Variants in RBFOX1 observed in about 807,000 individuals in gnomAD.
RBFOX1 encodes RNA binding fox-1 homolog 1.
RBFOX1 carries 8 observed loss-of-function variants against 57.7 expected under a neutral mutation model. That is an observed-to-expected ratio of 0.14 (90% CI 0.08 to 0.25). The LOEUF (loss-of-function observed/expected upper bound fraction) is 0.25. RBFOX1 is among the 10% of genes least tolerant of loss of function. RBFOX1 has a pLI of 1.00. For missense variants in RBFOX1, 611 were observed against 548.5 expected, an observed-to-expected ratio of 1.11 and a Z score of -1.14; for synonymous variants, 326 against 222.4, an observed-to-expected ratio of 1.47 and a Z score of -4.15.
intron 4 of RBFOX1, among the ~76,000 whole-genome samples, chr16:7,228,903 G>C (rs531910075): frequency 6.6e-6 from 1 of 152,296 alleles, no homozygotes; most frequent in Admixed American, 6.5e-5. Context: ...TGCATTTTGA[G>C]AGAGAAGAAG....
At chr16:7,224,629 C>G (rs950682791) in intron 4 of RBFOX1, among the ~76,000 whole-genome samples, 2 of 152,126 alleles carry the variant, frequency 1.3e-5, no homozygotes, top group Non-Finnish European at 2.9e-5. Context: ...GAGGTAATGT[C>G]TCCAAATGGA....
chr16:6,536,457 C>A (rs1024842603), intron 2 of RBFOX1, among the ~76,000 whole-genome samples: 3 of 152,194 alleles, frequency 2.0e-5, no homozygotes, highest in Non-Finnish European at 2.9e-5. Flanking sequence ...TGATATGGGA[C>A]ATCCCTCATA....
chr16:6,339,928 C>A (rs575503247), intron 2 of RBFOX1, among the ~76,000 whole-genome samples: 1 of 152,054 alleles, frequency 6.6e-6, no homozygotes, highest in African/African-American at 2.4e-5. Flanking sequence ...CCACCCACCT[C>A]GTCCTCCTAA....
intron 3 of RBFOX1, among the ~76,000 whole-genome samples, chr16:6,997,490 A>T (rs2092365946): frequency 6.6e-6 from 1 of 152,186 alleles, no homozygotes; most frequent in African/African-American, 2.4e-5. Context: ...TAACAATTTT[A>T]ATTTGTATCT....
chr16:6,734,436 C>G (rs1455802808), intron 3 of RBFOX1, among the ~76,000 whole-genome samples: 3 of 152,174 alleles, frequency 2.0e-5, no homozygotes, highest in Non-Finnish European at 4.4e-5. Context: ...CGTGGATTAT[C>G]TCATTTAATC....
rs115984927 is a variant in RBFOX1 at position 7,022,131 on chromosome 16, C to G, written c.-15-29926C>G. Among the ~76,000 whole-genome samples the G allele has an allele frequency of 6.4e-3, 941 of 146,184 alleles. 9 individuals carry two copies. Among genetic ancestry groups the G allele is most frequent in the African/African-American group, 0.023 (883 of 39,044 alleles). On this transcript the variant is annotated intron_variant, in intron 3 of 15. Transcript: ENST00000550418. ...AGATTGGAGTGTGGTGGAGCAATCT[C>G]CACTCACTGCAACCTCTGCCTCCTG...
intron 2 of RBFOX1, among the ~76,000 whole-genome samples, chr16:5,522,940 C>T (rs2044078070): frequency 6.6e-6 from 1 of 152,026 alleles, no homozygotes; most frequent in Non-Finnish European, 1.5e-5. Context: ...TTCATCCATC[C>T]ATTGATGGAC....
intron 4 of RBFOX1, among the ~76,000 whole-genome samples, chr16:5,953,948 A>G (rs982061082): frequency 6.6e-6 from 1 of 152,078 alleles, no homozygotes; most frequent in Non-Finnish European, 1.5e-5. Flanking sequence ...TCTGTTGCCA[A>G]CCGTGGTACC....
At chr16:6,076,262 C>G (rs1038475240) in intron 1 of RBFOX1, among the ~76,000 whole-genome samples, 5 of 151,478 alleles carry the variant, frequency 3.3e-5, no homozygotes, top group African/African-American at 4.9e-5. Context: ...TTGTGCCATT[C>G]CACTCCAGCC....
rs746112388 is a variant in RBFOX1 at position 5,947,839 on chromosome 16, C to T, written c.351+80504C>T. Among the ~76,000 whole-genome samples the T allele has an allele frequency of 3.1e-4, 47 of 152,164 alleles. No individual in the cohort carries two copies. Among genetic ancestry groups the T allele is most frequent in the Non-Finnish European group, 3.7e-4 (25 of 68,030 alleles). ...AAACCTAAGTTGCTTTTTAAATTTG[C>T]TAAAAGTACCTGTTGTAATTACCGG... is the stretch of plus-strand genomic sequence containing the variant. On this transcript the variant is annotated intron_variant, in intron 4 of 19. Transcript: ENST00000641259. This position sits in a 1 kb window ranked among gnomAD's most constrained non-coding sequence, Gnocchi z 7.2.
At chr16:6,846,602 G>T (rs952664446) in intron 3 of RBFOX1, among the ~76,000 whole-genome samples, 1 of 152,170 alleles carries the variant, frequency 6.6e-6, no homozygotes, top group Admixed American at 6.5e-5. Flanking sequence ...GGAAACGCAC[G>T]AAGACCTTTG....
At chr16:7,225,134 A>G (rs1229922825) in intron 4 of RBFOX1, among the ~76,000 whole-genome samples, 1 of 152,172 alleles carries the variant, frequency 6.6e-6, no homozygotes, top group East Asian at 1.9e-4. Context: ...CATCACGGTC[A>G]TTGTCATTAT....
intron 4 of RBFOX1, among the ~76,000 whole-genome samples, chr16:7,273,094 C>T (rs1302163613): frequency 7.7e-6 from 1 of 129,820 alleles, no homozygotes; most frequent in Non-Finnish European, 1.6e-5. Flanking sequence ...GCTCTCCCTC[C>T]CTCCCTTTCC....
At chr16:6,795,240 A>T (rs530304456) in intron 3 of RBFOX1, among the ~76,000 whole-genome samples, 1 of 152,242 alleles carries the variant, frequency 6.6e-6, no homozygotes, top group African/African-American at 2.4e-5. Context: ...CAAACCACCT[A>T]AATTTTTTAA....
chr16:6,676,175 C>G (rs2057648594), intron 3 of RBFOX1, among the ~76,000 whole-genome samples: 1 of 148,978 alleles, frequency 6.7e-6, no homozygotes, highest in Non-Finnish European at 1.5e-5. Context: ...CACACACACA[C>G]ACACACTTCC....
chr16:6,701,245 G>T lies in RBFOX1; in HGVS notation c.-16+46595G>T, dbSNP rs2061803968. ...TTGCCCCAGGAAGGGTGTGATCCTTGAGCAAGGAGGCTCTCTGCAGCTGAC... is the reference window on the plus strand; with the variant it reads ...TTGCCCCAGGAAGGGTGTGATCCTTTAGCAAGGAGGCTCTCTGCAGCTGAC... On this transcript the variant is annotated intron_variant, in intron 3 of 15. Coordinates refer to ENST00000550418, the MANE Select transcript of RBFOX1 (RefSeq NM_018723.4). Among the ~76,000 whole-genome samples the T allele has an allele frequency of 2.0e-5, 3 of 152,246 alleles. No individual in the cohort carries two copies. The East Asian group carries it at 5.8e-4, about 29-fold the overall frequency.
chr16:6,354,993 C>T (rs2087031920), intron 2 of RBFOX1, among the ~76,000 whole-genome samples: 1 of 152,166 alleles, frequency 6.6e-6, no homozygotes, highest in Admixed American at 6.5e-5. Context: ...TACAGGTTTT[C>T]TTCCTCTGAC....
intron 1 of RBFOX1, among the ~76,000 whole-genome samples, chr16:6,101,425 A>G (rs189970102): frequency 1.3e-5 from 2 of 152,330 alleles, no homozygotes; most frequent in East Asian, 1.9e-4. Context: ...CCTGGAAAGA[A>G]CAAATTTATT....
At chr16:6,711,518 C>T (rs1055213362) in intron 3 of RBFOX1, among the ~76,000 whole-genome samples, 1 of 152,168 alleles carries the variant, frequency 6.6e-6, no homozygotes, top group African/African-American at 2.4e-5. Context: ...AGAGTGAGTT[C>T]TCACAACATA....
Sources: allele counts gnomAD v4.1 joint callset (sites outside exome capture counted in the v4.1 genomes callset), GRCh38; gene constraint gnomAD v4.1.1; non-coding constraint Gnocchi (gnomAD v3.1); transcripts MANE v1.5; gene names NCBI Gene and HGNC (gene_info 2026-07-23, HGNC 2026-07-21).